SEMA5A: variants seen among roughly 807,000 people sequenced by gnomAD.
SEMA5A encodes the protein semaphorin 5A, also known as semaphorin-5A.
SEMA5A carries 55 observed loss-of-function variants against 135.5 expected under a neutral mutation model. That is an observed-to-expected ratio of 0.41 (90% CI 0.33 to 0.51). SEMA5A has a LOEUF of 0.51. Ranked by LOEUF, SEMA5A falls within the 20% of genes least tolerant of loss-of-function variation. The pLI is 0.37. For synonymous variants in SEMA5A, 580 were observed against 546.5 expected, an observed-to-expected ratio of 1.06 and a Z score of -0.85; for missense variants, 1,290 against 1,419.9, an observed-to-expected ratio of 0.91 and a Z score of 1.47.
chr5:9,063,136 G>C, intron 17 of SEMA5A, 31 bp from the exon 18 acceptor site: 1 of 1,578,962 alleles, frequency 6.3e-7, no homozygotes, highest in South Asian at 1.1e-5. Flanking sequence ...GTGTGATTCT[G>C]TTACAAGTTT....
intron 3 of SEMA5A, among the ~76,000 whole-genome samples, chr5:9,358,940 G>A (rs1443285359): frequency 7.4e-6 from 1 of 134,720 alleles, no homozygotes; most frequent in Non-Finnish European, 1.6e-5. Flanking sequence ...AAGGAGCAAA[G>A]CACTGGTTCA....
chr5:9,196,471 T>C (rs1280172916), intron 10 of SEMA5A, among the ~76,000 whole-genome samples: 1 of 152,212 alleles, frequency 6.6e-6, no homozygotes, highest in Non-Finnish European at 1.5e-5. Context: ...TCTAAAACTG[T>C]AAGAAAATAA....
intron 11 of SEMA5A, among the ~76,000 whole-genome samples, chr5:9,155,126 T>C (rs560967692): frequency 2.0e-5 from 3 of 152,298 alleles, no homozygotes; most frequent in African/African-American, 4.8e-5. Context: ...GATTGGCAGC[T>C]TCAAATATCC....
At chr5:9,073,819 C>T (rs1040235618) in intron 16 of SEMA5A, among the ~76,000 whole-genome samples, 1 of 151,994 alleles carries the variant, frequency 6.6e-6, no homozygotes, top group Admixed American at 6.6e-5. Context: ...GCACCAGCAA[C>T]AAGCTACCAG....
intron 3 of SEMA5A, among the ~76,000 whole-genome samples, chr5:9,362,095 TG>T (rs1754723365): frequency 6.6e-6 from 1 of 152,156 alleles, no homozygotes; most frequent in South Asian, 2.1e-4. Flanking sequence ...CTTCTCGTCT[TG>T]GGGGGTGAAT....
chr5:9,239,788 C>G (rs761272942), intron 5 of SEMA5A, among the ~76,000 whole-genome samples: 1 of 151,878 alleles, frequency 6.6e-6, no homozygotes, highest in Non-Finnish European at 1.5e-5. Context: ...CAGTGAAATA[C>G]TTTAGATAAA....
At chr5:9,162,382 A>ATGTGTGTG (rs1221606161) in intron 11 of SEMA5A, among the ~76,000 whole-genome samples, 5 of 128,964 alleles carry the variant, frequency 3.9e-5, no homozygotes, top group African/African-American at 1.4e-4. Flanking sequence ...TCAAACAAAC[A>ATGTGTGTG]TGTGTGTGTG....
At position 9,184,664 on chromosome 5, in the gene SEMA5A, T is replaced by A. The variant is rs886971363; in HGVS notation, c.1273+5603A>T. Among the ~76,000 whole-genome samples the A allele has an allele frequency of 3.3e-5, 5 of 152,382 alleles. No homozygotes were observed. The East Asian group carries it at 7.7e-4, about 23-fold the overall frequency. On this transcript the variant is annotated intron_variant, in intron 11 of 22. Transcript: ENST00000382496. Reference sequence around the variant, plus strand: ...TCTTGTAGTAGAATAGCACGTCATTTTGATCTTCTATTTATTCGCTTATCT... The same window carrying A: ...TCTTGTAGTAGAATAGCACGTCATTATGATCTTCTATTTATTCGCTTATCT...
At chr5:9,181,895 G>T (rs561345396) in intron 11 of SEMA5A, among the ~76,000 whole-genome samples, 1 of 151,678 alleles carries the variant, frequency 6.6e-6, no homozygotes, top group African/African-American at 2.4e-5. Flanking sequence ...CAGCCGCAGA[G>T]TCCCTCATCT....
At chr5:9,457,151 T>C (rs1464159482) in intron 1 of SEMA5A, among the ~76,000 whole-genome samples, 1 of 152,200 alleles carries the variant, frequency 6.6e-6, no homozygotes, top group Non-Finnish European at 1.5e-5. Flanking sequence ...CTAAATTCAA[T>C]GTCTGAATGT....
intron 17 of SEMA5A, 83 bp from the exon 18 acceptor site, chr5:9,063,188 C>T: frequency 5.3e-6 from 7 of 1,322,220 alleles, no homozygotes; most frequent in African/African-American, 1.5e-5. Flanking sequence ...TCTGTATCTG[C>T]TGTCTGCCTT....
chr5:9,051,749 T>C lies in SEMA5A; in HGVS notation c.2845+124A>G, dbSNP rs572154965. The stretch of plus-strand genomic sequence containing the variant: ...CTACGTTTTAAACACCTTGAAACCA[T>C]GGGGCTTGATGGAATCATCTCTATT... On this transcript the variant is annotated intron_variant, in intron 20 of 22. Coordinates refer to ENST00000382496, the MANE Select transcript of SEMA5A (RefSeq NM_003966.3). 175 of 1,190,520 alleles carry C rather than the reference T, an allele frequency of 1.5e-4. No individual in the cohort carries two copies. The African/African-American group carries it at 2.4e-3, about 16-fold the overall frequency. The allele number at this position is 1,190,520 out of a possible 1,614,324, so 73.7% of individuals were successfully genotyped here.
rs1443955576 is a variant in SEMA5A at position 9,396,277 on chromosome 5, C to CACACACACAA, written c.-77-16255_-77-16254insTTGTGTGTGT. ...ACACACACACACACACACACACACA[C>CACACACACAA]AAATACATCCTAAGAGCTTAACATT... is the stretch of plus-strand genomic sequence containing the variant. On this transcript the variant is annotated intron_variant, in intron 2 of 22. Coordinates refer to ENST00000382496, the MANE Select transcript of SEMA5A (RefSeq NM_003966.3). 2.0e-5 allele frequency among the ~76,000 whole-genome samples: 3 copies of CACACACACAA among 148,654 alleles called. No homozygotes were observed. In the East Asian group the frequency reaches 5.9e-4, roughly 29 times the overall value.
intron 20 of SEMA5A, among the ~76,000 whole-genome samples, chr5:9,051,142 C>T (rs769735803): frequency 1.6e-4 from 25 of 152,158 alleles, no homozygotes; most frequent in Non-Finnish European, 2.6e-4. Flanking sequence ...AGTTCTGTGC[C>T]GTACATGACT....
chr5:9,128,711 C>T (rs1212208951), intron 13 of SEMA5A, among the ~76,000 whole-genome samples: 2 of 152,134 alleles, frequency 1.3e-5, no homozygotes, highest in Admixed American at 6.5e-5. Context: ...AACTAAGATT[C>T]ATATGAATTT....
intron 1 of SEMA5A, among the ~76,000 whole-genome samples, chr5:9,527,117 A>G (rs1737175003): frequency 6.6e-6 from 1 of 152,170 alleles, no homozygotes; most frequent in African/African-American, 2.4e-5. Flanking sequence ...CAGTGGGCTC[A>G]GCTATCACCT....
chr5:9,190,397 CA>C lies in SEMA5A; in HGVS notation c.1142del (p.Leu381ArgfsTer9). On this transcript the variant is annotated frameshift_variant, in exon 11 of 23. Transcript: ENST00000382496. LOFTEE classifies it high-confidence loss of function. Reference sequence around the variant, plus strand: ...TCACTGGCTGTACCACCTCATGCATCAGAATGAACTTCTGAGCATCCTGCAG... The same window carrying C: ...TCACTGGCTGTACCACCTCATGCATCGAATGAACTTCTGAGCATCCTGCAG... Reference protein sequence around the residue: ...RNLQDAQKFILMHEVVQPVTT... With the variant: ...RNLQDAQKFIXMHEVVQPVTT... 1 of 1,613,998 alleles carries C rather than the reference CA, an allele frequency of 6.2e-7. No individual in the cohort carries two copies. The highest frequency in any genetic ancestry group is 1.1e-5 in the South Asian group (1 of 91,068).
rs367716271 is a variant in SEMA5A, at chr5:9,202,187, G to A, written c.700C>T (p.Arg234Ter). ...DIGNFTYFFF[R>*]ENAVEHDCGK... ...CAGTCATGCTCTACTGCATTTTCTC[G>A]GAAAAAGAAGTAGGTAAAATTTCCG... is the stretch of plus-strand genomic sequence containing the variant. Residue 234 changes from arginine (R) to a stop codon, truncating the protein, a stop_gained, in exon 9 of 23, where the codon CGA becomes TGA. Coordinates refer to ENST00000382496, the MANE Select transcript of SEMA5A (RefSeq NM_003966.3). LOFTEE classifies it high-confidence loss of function. 5.0e-6 allele frequency: 8 copies of A among 1,613,734 alleles called. No homozygotes were observed. Among genetic ancestry groups the A allele is most frequent in the Non-Finnish European group, 6.8e-6 (8 of 1,179,952 alleles).
intron 2 of SEMA5A, among the ~76,000 whole-genome samples, chr5:9,408,021 A>C (rs970245690): frequency 1.4e-4 from 13 of 95,754 alleles, no homozygotes; most frequent in Admixed American, 4.7e-4. Flanking sequence ...CCAACACCAC[A>C]ACTACCACCA....
Sources: allele counts gnomAD v4.1 joint callset (sites outside exome capture counted in the v4.1 genomes callset), GRCh38; gene constraint gnomAD v4.1.1; transcripts MANE v1.5; gene names NCBI Gene and HGNC (gene_info 2026-07-23, HGNC 2026-07-21).